The following LPP variants were observed in gnomAD, a reference collection of about 807,000 sequenced individuals.
LPP encodes lipoma-preferred partner.
LPP carries 38 observed loss-of-function variants against 60.4 expected under a neutral mutation model. The observed-to-expected ratio is 0.63, with a 90% CI of 0.49 to 0.83. LPP has a LOEUF of 0.83. Ranked by LOEUF, LPP falls within the 40% of genes least tolerant of loss-of-function variation. The pLI is 0.00. For synonymous variants in LPP, 328 were observed against 290.8 expected, an observed-to-expected ratio of 1.13 and a Z score of -1.30; for missense variants, 902 against 783.6, an observed-to-expected ratio of 1.15 and a Z score of -1.80.
chr3:188,871,806 CAT>C (rs1317940529), intron 10 of LPP, among the ~76,000 whole-genome samples: 1 of 151,826 alleles, frequency 6.6e-6, no homozygotes, highest in Admixed American at 6.6e-5. Context: ...ATTAACCTGT[CAT>C]AGAAAAAAAA....
At chr3:188,648,616 A>G (rs560526386) in intron 7 of LPP, among the ~76,000 whole-genome samples, 1 of 152,198 alleles carries the variant, frequency 6.6e-6, no homozygotes, top group South Asian at 2.1e-4. Context: ...CATTTGCTCT[A>G]TCTAGCCTTC....
Position 188,495,082 on chromosome 3 carries a change from A to ATATATTTTTTT in LPP, c.306+10379_306+10380insATATTTTTTTT, listed in dbSNP as rs1342207321. On this transcript the variant is annotated intron_variant, in intron 5 of 11. Coordinates refer to ENST00000617246, the MANE Select transcript of LPP (RefSeq NM_001375462.1). Reference sequence around the variant, plus strand: ...CAGGATTTTATATATATATATATATATTTTATTTATATTTTATTATATATT... The same window carrying ATATATTTTTTT: ...CAGGATTTTATATATATATATATATATATATTTTTTTTTTTATTTATATTTTATTATATATT... 2.1e-4 allele frequency among the ~76,000 whole-genome samples: 20 copies of ATATATTTTTTT among 97,242 alleles called. 1 individual carries two copies. Among genetic ancestry groups the ATATATTTTTTT allele is most frequent in the African/African-American group, 8.0e-4 (20 of 25,078 alleles). The allele number at this position is 97,242 out of a possible 152,430, so 63.8% of individuals were successfully genotyped here.
At chr3:188,811,323 G>A (rs542676706) in intron 9 of LPP, among the ~76,000 whole-genome samples, 3 of 149,836 alleles carry the variant, frequency 2.0e-5, no homozygotes, top group Non-Finnish European at 4.4e-5. Context: ...TAGGGGTCTT[G>A]AAAGCGAGAA....
intron 3 of LPP, among the ~76,000 whole-genome samples, chr3:188,353,114 TATA>T (rs1223142281): frequency 1.3e-5 from 2 of 152,190 alleles, no homozygotes; most frequent in Non-Finnish European, 2.9e-5. Flanking sequence ...TGGAGTACTG[TATA>T]ATGTCAAGTA....
intron 7 of LPP, among the ~76,000 whole-genome samples, chr3:188,666,181 T>TTAGTTTACAAGA (rs1855759732): frequency 6.6e-6 from 1 of 152,248 alleles, no homozygotes; most frequent in African/African-American, 2.4e-5. Context: ...TGTTATAAAC[T>TTAGTTTACAAGA]ATTTATATTT....
intron 4 of LPP, among the ~76,000 whole-genome samples, chr3:188,462,892 A>C (rs1323661835): frequency 6.6e-6 from 1 of 151,920 alleles, no homozygotes; most frequent in African/African-American, 2.4e-5. Context: ...AGATCACCTG[A>C]GGTCAGGAAT....
intron 7 of LPP, among the ~76,000 whole-genome samples, chr3:188,616,516 G>A (rs1446926288): frequency 6.6e-6 from 1 of 152,118 alleles, no homozygotes; most frequent in Non-Finnish European, 1.5e-5. Flanking sequence ...AAGTCAGGTA[G>A]CATGATGCCT....
chr3:188,408,432 C>T (rs540898420), intron 4 of LPP, among the ~76,000 whole-genome samples: 3 of 152,304 alleles, frequency 2.0e-5, no homozygotes, highest in Admixed American at 2.0e-4. Flanking sequence ...CACTGTCTTA[C>T]TCTCTAGGAA....
rs142751463 is a variant in LPP at position 188,341,873 on chromosome 3, T to C, written c.-10+154T>C. Among the ~76,000 whole-genome samples the C allele has an allele frequency of 2.5e-3, 387 of 152,362 alleles. 4 individuals carry two copies. The highest frequency in any genetic ancestry group is 8.9e-3 in the African/African-American group (372 of 41,590). Reference sequence around the variant, plus strand: ...ATGGCCAAGACAGTGAGCTGACCTCTCTTTTTATTTTTGTTTTTTTGATTT... The same window carrying C: ...ATGGCCAAGACAGTGAGCTGACCTCCCTTTTTATTTTTGTTTTTTTGATTT... On this transcript the variant is annotated intron_variant, in intron 3 of 11. Transcript: ENST00000617246.
chr3:188,810,950 A>C (rs1750752723), intron 9 of LPP, among the ~76,000 whole-genome samples: 1 of 152,130 alleles, frequency 6.6e-6, no homozygotes, highest in South Asian at 2.1e-4. Context: ...GGTTAGGTTC[A>C]TGACAACAAG....
Position 188,496,441 on chromosome 3 carries a change from T to A in LPP, c.306+11737T>A, listed in dbSNP as rs149248120. Among the ~76,000 whole-genome samples, 190 of 152,318 alleles carry A rather than the reference T, an allele frequency of 1.2e-3. 2 individuals carry two copies. Among genetic ancestry groups the A allele is most frequent in the African/African-American group, 3.5e-3 (147 of 41,576 alleles). On this transcript the variant is annotated intron_variant, in intron 5 of 11. Coordinates refer to ENST00000617246, the MANE Select transcript of LPP (RefSeq NM_001375462.1). ...TGCACCCAGCAAACATTGCTTTTTT[T>A]AATAAAAGACTTTCATATACTTTAT...
intron 6 of LPP, among the ~76,000 whole-genome samples, chr3:188,554,794 C>T (rs374770932): frequency 1.3e-5 from 2 of 152,086 alleles, no homozygotes; most frequent in African/African-American, 4.8e-5. Flanking sequence ...CCAGAGGAGT[C>T]ATTTATTTTG....
At chr3:188,760,482 C>A (rs777442211) in intron 9 of LPP, among the ~76,000 whole-genome samples, 200 bp downstream of exon 9, 4 of 150,556 alleles carry the variant, frequency 2.7e-5, no homozygotes, top group Non-Finnish European at 5.9e-5. Flanking sequence ...TTCTACACAT[C>A]CCCCATTCAT....
chr3:188,723,427 T>C (rs1263811522), intron 8 of LPP, among the ~76,000 whole-genome samples: 4 of 152,126 alleles, frequency 2.6e-5, no homozygotes, highest in African/African-American at 4.8e-5. Flanking sequence ...CCCTCAGTAA[T>C]TGCTTCTCAA....
intron 6 of LPP, among the ~76,000 whole-genome samples, chr3:188,586,105 G>C (rs1277341606): frequency 6.6e-6 from 1 of 152,104 alleles, no homozygotes; most frequent in Admixed American, 6.5e-5. Flanking sequence ...CATTTTTATA[G>C]CAAAATCAAA....
intron 3 of LPP, among the ~76,000 whole-genome samples, chr3:188,362,213 A>C (rs1161340034): frequency 1.3e-5 from 2 of 152,220 alleles, no homozygotes; most frequent in Non-Finnish European, 2.9e-5. Flanking sequence ...TGCCAGAAAA[A>C]GGCACAGTGT....
chr3:188,378,431 C>A (rs1021466774), intron 3 of LPP, among the ~76,000 whole-genome samples: 3 of 152,202 alleles, frequency 2.0e-5, no homozygotes, highest in African/African-American at 7.2e-5. Context: ...CCTCCCCCAG[C>A]CTCACTGCCG....
chr3:188,171,366 C>T (rs1721535634), intron 1 of LPP, among the ~76,000 whole-genome samples: 1 of 152,174 alleles, frequency 6.6e-6, no homozygotes, highest in South Asian at 2.1e-4. Flanking sequence ...ATTGCCATTG[C>T]TTTTTAGTCA....
chr3:188,739,879 T>C (rs770782528), intron 8 of LPP, among the ~76,000 whole-genome samples: 22 of 152,232 alleles, frequency 1.4e-4, no homozygotes, highest in Non-Finnish European at 2.5e-4. Context: ...AATACTGCCA[T>C]TTTATAATAA....
Sources: allele counts gnomAD v4.1 joint callset (sites outside exome capture counted in the v4.1 genomes callset), GRCh38; gene constraint gnomAD v4.1.1; transcripts MANE v1.5; gene names NCBI Gene and HGNC (gene_info 2026-07-23, HGNC 2026-07-21).